Variants in NKX2-2 observed in about 807,000 individuals in gnomAD.
NKX2-2 encodes the protein NK2 homeobox 2, also known as homeobox protein Nkx-2.2.
In NKX2-2, 8 loss-of-function variants were observed where a neutral mutation model predicts 24.6. The observed-to-expected ratio is 0.32, with a 90% CI of 0.19 to 0.59. The LOEUF (loss-of-function observed/expected upper bound fraction) is 0.59, where lower values mean the gene tolerates loss of function less well. Among genes scored for constraint, NKX2-2 ranks in the 20% least tolerant of loss-of-function variants. The pLI is 0.86. For missense variants in NKX2-2, 381 were observed against 373.9 expected (o/e 1.02, Z -0.16); for synonymous variants, 217 against 173.3 (o/e 1.25, Z -1.98).
Position 21,511,746 on chromosome 20 carries a change from T to C in NKX2-2, c.*177A>G. On this transcript the variant is annotated 3_prime_UTR_variant, in exon 2 of 2. Transcript: ENST00000377142. Reference sequence around the variant, plus strand: ...GAGCTGGGTGGGTGGAATCTGCCACTCCAAGGAGACGCAGGCAACCTCCCG... The same window carrying C: ...GAGCTGGGTGGGTGGAATCTGCCACCCCAAGGAGACGCAGGCAACCTCCCG... 1 of 506,404 alleles carries C rather than the reference T, an allele frequency of 2.0e-6. No homozygotes were observed. The highest frequency in any genetic ancestry group is 3.4e-6 in the Non-Finnish European group (1 of 294,752). 31.4% of individuals were successfully genotyped at this position (506,404 alleles called of 1,614,324 possible).
At chr20:21,518,903 G>A (rs193048006), upstream of NKX2-2, among the ~76,000 whole-genome samples, 10 of 152,310 alleles carry the variant, frequency 6.6e-5, no homozygotes, top group African/African-American at 2.2e-4. Context: ...CCTGTTCTGG[G>A]CACCTCTTTG....
the NKX2-2 span, among the ~76,000 whole-genome samples, chr20:21,520,393 C>T: frequency 6.6e-6 from 1 of 152,170 alleles, no homozygotes; most frequent in Non-Finnish European, 1.5e-5. Flanking sequence ...ACATATCTCC[C>T]AAGGATGTAA....
At position 21,512,223 on chromosome 20, in the gene NKX2-2, G is replaced by A. The variant is rs753196291; in HGVS notation, c.522C>T (p.Ile174=). Residue 174 remains isoleucine (I), a synonymous_variant, in exon 2 of 2, where the codon ATC becomes ATT. Transcript: ENST00000377142. ...TCTTGTAGCGGTGGTTCTGGAACCA[G>A]ATCTTGACCTGCGTGGGCGTGAGGC... ...LIRLTPTQVK[I]WFQNHRYKMK... The A allele has an allele frequency of 1.2e-6, 2 of 1,614,020 alleles. No individual in the cohort carries two copies. Among genetic ancestry groups the A allele is most frequent in the East Asian group, 2.2e-5 (1 of 44,868 alleles).
chr20:21,522,376 C>A, the NKX2-2 span, among the ~76,000 whole-genome samples: 3 of 152,188 alleles, frequency 2.0e-5, no homozygotes, highest in African/African-American at 7.2e-5. Context: ...GGTGACCGTG[C>A]CCGGAGCGCG....
the NKX2-2 span, among the ~76,000 whole-genome samples, chr20:21,520,142 C>T: frequency 2.6e-5 from 4 of 152,104 alleles, no homozygotes; most frequent in Admixed American, 2.6e-4. Context: ...TCTCCAGGCC[C>T]AGAGACTTTC....
At position 21,512,461 on chromosome 20, in the gene NKX2-2, G is replaced by T. The variant is rs754699504; in HGVS notation, c.284C>A (p.Pro95His). The T allele has an allele frequency of 1.5e-5, 23 of 1,578,686 alleles. No individual in the cohort carries two copies. The African/African-American group carries it at 2.5e-4, about 17-fold the overall frequency. The change falls in exon 2 of 2, where the codon CCC (proline) becomes CAC (histidine). Residue 95 changes from proline to histidine, a missense_variant. Transcript: ENST00000377142. Reference sequence around the variant, plus strand: ...GGACTTGGAGCTTGAGTCCTGAGGGGGCGCCCCGGCAGCCAGACCGTGCAC... The same window carrying T: ...GGACTTGGAGCTTGAGTCCTGAGGGTGCGCCCCGGCAGCCAGACCGTGCAC... ...YSLHGLAAGA[P>H]PQDSSSKSPE...
At chr20:21,517,984 C>T (rs1980684090), upstream of NKX2-2, among the ~76,000 whole-genome samples, 2 of 152,228 alleles carry the variant, frequency 1.3e-5, no homozygotes, top group Non-Finnish European at 2.9e-5. Flanking sequence ...GTCTCCCCCA[C>T]TCGGCATTCT....
upstream of NKX2-2, among the ~76,000 whole-genome samples, chr20:21,515,184 T>C (rs901835629): frequency 1.3e-5 from 2 of 151,968 alleles, no homozygotes; most frequent in Non-Finnish European, 2.9e-5. Flanking sequence ...TCCTGCCCTC[T>C]ATTATCCCTC....
In NKX2-2 at chr20:21,513,145, T is replaced by C. The variant is rs1224232645; in HGVS notation, c.259+266A>G. On this transcript the variant is annotated intron_variant, in intron 1 of 1. Transcript: ENST00000377142. The surrounding 1 kb of genome is among the most constrained non-coding windows in gnomAD (Gnocchi z 4.6). ...CGGGTTGACATCATATACCAGCCCC[T>C]GGGAGGTATAGCCCTTCTCCCTCTT... Among the ~76,000 whole-genome samples the C allele has an allele frequency of 6.6e-6, 1 of 152,120 alleles. No homozygotes were observed. The highest frequency in any genetic ancestry group is 2.4e-5 in the African/African-American group (1 of 41,434).
chr20:21,521,682 C>T, the NKX2-2 span, among the ~76,000 whole-genome samples: 1 of 152,232 alleles, frequency 6.6e-6, no homozygotes, highest in Non-Finnish European at 1.5e-5. Context: ...CTGCGACGCA[C>T]AGGGGGCGAC....
chr20:21,511,320 A>G lies in NKX2-2; in HGVS notation c.*603T>C, dbSNP rs184668111. 1 of 152,806 alleles carries G rather than the reference A, an allele frequency of 6.5e-6. No homozygotes were observed. Among genetic ancestry groups the G allele is most frequent in the African/African-American group, 2.4e-5 (1 of 41,590 alleles). The allele number at this position is 152,806 out of a possible 1,614,324, so 9.5% of individuals were successfully genotyped here. On this transcript the variant is annotated 3_prime_UTR_variant, in exon 2 of 2. Coordinates refer to ENST00000377142, the MANE Select transcript of NKX2-2 (RefSeq NM_002509.4). ...GAAAGGAGTTGGACCCAGACGGGAA[A>G]CAGGCCGGTCCTGAAGGTCATTTTG...
chr20:21,518,463 G>A (rs1224950120), upstream of NKX2-2, among the ~76,000 whole-genome samples: 1 of 152,208 alleles, frequency 6.6e-6, no homozygotes, highest in Non-Finnish European at 1.5e-5. Context: ...CTGCTGCTCT[G>A]GGTTCCGCAA....
At chr20:21,512,781 T>C (rs1162347772) in intron 1 of NKX2-2, among the ~76,000 whole-genome samples, 1 of 152,170 alleles carries the variant, frequency 6.6e-6, no homozygotes, top group African/African-American at 2.4e-5. Flanking sequence ...CATCGCGGGT[T>C]AAGGGCTCCG....
At position 21,513,732 on chromosome 20, in the gene NKX2-2, C is replaced by T. The variant is rs1483671996; in HGVS notation, c.-63G>A. On this transcript the variant is annotated 5_prime_UTR_variant, in exon 1 of 2. Coordinates refer to ENST00000377142, the MANE Select transcript of NKX2-2 (RefSeq NM_002509.4). The surrounding 1 kb of genome is among the most constrained non-coding windows in gnomAD (Gnocchi z 4.6). ...CTTCACTTGGTCAATTCGTGGCGCT[C>T]CCCTGCCCCGGCGGGCGGGGGAGGG... The T allele has an allele frequency of 4.4e-6, 6 of 1,369,188 alleles. No homozygotes were observed. In the Admixed American group the frequency reaches 8.8e-5, roughly 20 times the overall value. 84.8% of individuals were successfully genotyped at this position (1,369,188 alleles called of 1,614,324 possible). A position where few individuals can be genotyped will look rare whatever the true frequency, so the allele number is the denominator to read the frequency against.
Position 21,511,436 on chromosome 20 carries a change from T to C in NKX2-2, c.*487A>G, listed in dbSNP as rs1437173083. The C allele has an allele frequency of 6.5e-6, 1 of 152,874 alleles. No homozygotes were observed. Among genetic ancestry groups the C allele is most frequent in the Non-Finnish European group, 1.5e-5 (1 of 68,332 alleles). The allele number at this position is 152,874 out of a possible 1,614,324, so 9.5% of individuals were successfully genotyped here. ...ATGGCCATAAATATTTAGCATTTTCTTATTTTTTTTTAAAAAAAGGAAGAA... is the reference window on the plus strand; with the variant it reads ...ATGGCCATAAATATTTAGCATTTTCCTATTTTTTTTTAAAAAAAGGAAGAA... On this transcript the variant is annotated 3_prime_UTR_variant, in exon 2 of 2. Transcript: ENST00000377142.
chr20:21,512,439 C>G lies in NKX2-2; in HGVS notation c.306G>C (p.Lys102Asn). Residue 102 changes from lysine to asparagine, a missense_variant, in exon 2 of 2, where the codon AAG becomes AAC. Coordinates refer to ENST00000377142, the MANE Select transcript of NKX2-2 (RefSeq NM_002509.4). ...ACTCGTCGGCCGAGGGCTCCGGGGACTTGGAGCTTGAGTCCTGAGGGGGCG... is the reference window on the plus strand; with the variant it reads ...ACTCGTCGGCCGAGGGCTCCGGGGAGTTGGAGCTTGAGTCCTGAGGGGGCG... ...AGAPPQDSSSKSPEPSADESP... is the reference protein window; with the variant it reads ...AGAPPQDSSSNSPEPSADESP... 1.9e-6 allele frequency: 3 copies of G among 1,589,294 alleles called. No homozygotes were observed. The highest frequency in any genetic ancestry group is 2.6e-6 in the Non-Finnish European group (3 of 1,174,826).
chr20:21,512,406 G>T lies in NKX2-2; in HGVS notation c.339C>A (p.Asp113Glu). Reference protein sequence around the residue: ...SPEPSADESPDNDKETPGGGG... With the variant: ...SPEPSADESPENDKETPGGGG... The stretch of plus-strand genomic sequence containing the variant: ...CGCCGCCCGGGGTCTCCTTGTCATT[G>T]TCCGGTGACTCGTCGGCCGAGGGCT... Residue 113 changes from aspartate to glutamate, a missense_variant, in exon 2 of 2, where the codon GAC (aspartate) becomes GAA (glutamate). This residue lies in a region of NKX2-2 where 206 missense variants were observed against 173.1 expected (regional missense o/e 1.19). Coordinates refer to ENST00000377142, the MANE Select transcript of NKX2-2 (RefSeq NM_002509.4). 1 of 1,598,468 alleles carries T rather than the reference G, an allele frequency of 6.3e-7. No individual in the cohort carries two copies. The highest frequency in any genetic ancestry group is 8.5e-7 in the Non-Finnish European group (1 of 1,175,684).
At chr20:21,517,775 C>A (rs2122550866), upstream of NKX2-2, among the ~76,000 whole-genome samples, 1 of 152,312 alleles carries the variant, frequency 6.6e-6, no homozygotes, top group Middle Eastern at 3.4e-3. Context: ...GTGATTGCAT[C>A]CTGAGGACTC....
At position 21,511,557 on chromosome 20, in the gene NKX2-2, A is replaced by T; in HGVS notation, c.*366T>A. The T allele has an allele frequency of 5.1e-6, 1 of 197,546 alleles. No individual in the cohort carries two copies. Among genetic ancestry groups the T allele is most frequent in the Non-Finnish European group, 1.0e-5 (1 of 98,592 alleles). 12.2% of individuals were successfully genotyped at this position (197,546 alleles called of 1,614,324 possible). A position where few individuals can be genotyped will look rare whatever the true frequency, so the allele number is the denominator to read the frequency against. The stretch of plus-strand genomic sequence containing the variant: ...CATATTTTACAAAATGCACGAAAGC[A>T]GGGGTGGGGGGTCGGTCTTTTTCTC... On this transcript the variant is annotated 3_prime_UTR_variant, in exon 2 of 2. Coordinates refer to ENST00000377142, the MANE Select transcript of NKX2-2 (RefSeq NM_002509.4).
Sources: allele counts gnomAD v4.1 joint callset (sites outside exome capture counted in the v4.1 genomes callset), GRCh38; gene constraint gnomAD v4.1.1; regional missense constraint gnomAD v4.1.1; non-coding constraint Gnocchi (gnomAD v3.1); transcripts MANE v1.5; gene names NCBI Gene and HGNC (gene_info 2026-07-23, HGNC 2026-07-21).